Variants in AHRR observed in about 807,000 individuals in gnomAD.
AHRR encodes aryl hydrocarbon receptor repressor.
A neutral mutation model predicts 44.0 loss-of-function variants in AHRR; 28 were observed. That is an observed-to-expected ratio of 0.64 (90% confidence interval 0.47 to 0.87). The LOEUF is 0.87. AHRR is among the 40% of genes least tolerant of loss of function. The pLI, the probability that AHRR is intolerant of heterozygous loss-of-function variation, is 0.00. For missense variants in AHRR, 990 were observed against 953.9 expected (o/e 1.04, Z -0.50); for synonymous variants, 434 against 407.0 (o/e 1.07, Z -0.80).
At chr5:413,770 G>A (rs772953977) in intron 5 of AHRR, among the ~76,000 whole-genome samples, 2 of 152,212 alleles carry the variant, frequency 1.3e-5, no homozygotes, top group African/African-American at 4.8e-5. Context: ...CCCAGGCAAC[G>A]TCTTAAGCCT....
At chr5:349,795 A>G (rs1244909553) in intron 2 of AHRR, among the ~76,000 whole-genome samples, 2 of 152,162 alleles carry the variant, frequency 1.3e-5, no homozygotes, top group Non-Finnish European at 2.9e-5. Context: ...TGGATATTGC[A>G]TGAGGGTAGA....
Position 434,922 on chromosome 5 carries a change from G to A in AHRR, c.*88G>A. The A allele has an allele frequency of 2.0e-6, 3 of 1,466,562 alleles. No homozygotes were observed. The highest frequency in any genetic ancestry group is 1.8e-6 in the Non-Finnish European group (2 of 1,101,710). The allele number at this position is 1,466,562 out of a possible 1,614,324, so 90.8% of individuals were successfully genotyped here. ...CTGCCCTGCTCCTGGTCAGGCCGGA[G>A]CCCGTCCTAAGACACACGCTTTGCA... On this transcript the variant is annotated 3_prime_UTR_variant, in exon 11 of 11. Transcript: ENST00000684583.
At position 430,326 on chromosome 5, in the gene AHRR, C is replaced by A. The variant is rs73038989; in HGVS notation, c.909-2137C>A. Reference sequence around the variant, plus strand: ...TCTTTGGCGCCTTTGACGGGCAGCACATCTTCTGTATTCACACCCGTGCCC... The same window carrying A: ...TCTTTGGCGCCTTTGACGGGCAGCAAATCTTCTGTATTCACACCCGTGCCC... On this transcript the variant is annotated intron_variant, in intron 8 of 10. Coordinates refer to ENST00000684583, the MANE Select transcript of AHRR (RefSeq NM_001377236.1). 1.2e-3 allele frequency among the ~76,000 whole-genome samples: 185 copies of A among 152,366 alleles called. 1 individual carries two copies. Among genetic ancestry groups the A allele is most frequent in the African/African-American group, 4.4e-3 (182 of 41,592 alleles).
chr5:426,844 G>A (rs574041200), intron 7 of AHRR, among the ~76,000 whole-genome samples: 2 of 148,272 alleles, frequency 1.3e-5, no homozygotes, highest in East Asian at 3.9e-4. Context: ...TGGAAACATG[G>A]ATAGATGGAT....
At chr5:421,408 T>C in intron 5 of AHRR, 1 of 567,854 alleles carries the variant, frequency 1.8e-6, no homozygotes, top group South Asian at 2.0e-5. Context: ...CGGCCCGGAC[T>C]CAGAGGCACA....
intron 3 of AHRR, among the ~76,000 whole-genome samples, chr5:372,681 G>A (rs907523573): frequency 6.6e-6 from 1 of 152,078 alleles, no homozygotes; most frequent in African/African-American, 2.4e-5. Context: ...CGTCTGCACC[G>A]CCTCCCCCGC....
intron 1 of AHRR, among the ~76,000 whole-genome samples, chr5:340,506 T>C (rs943566534): frequency 6.6e-6 from 1 of 150,474 alleles, no homozygotes; most frequent in African/African-American, 2.5e-5. Flanking sequence ...CTGATGTTGC[T>C]TCTCTTTTTA....
intron 8 of AHRR, among the ~76,000 whole-genome samples, chr5:431,683 G>A (rs776634219): frequency 2.0e-4 from 30 of 152,060 alleles, no homozygotes; most frequent in Non-Finnish European, 3.8e-4. Flanking sequence ...TCCCACAGGG[G>A]TTTTGTGACA....
At chr5:348,077 G>A (rs1004084548) in intron 2 of AHRR, among the ~76,000 whole-genome samples, 2 of 152,254 alleles carry the variant, frequency 1.3e-5, no homozygotes, top group African/African-American at 4.8e-5. Context: ...AGTGCAGGGG[G>A]CAGCTGATGT....
chr5:379,132 G>C (rs909029138), intron 4 of AHRR, among the ~76,000 whole-genome samples: 2 of 152,212 alleles, frequency 1.3e-5, no homozygotes, highest in East Asian at 1.9e-4. Context: ...TCCACACGGA[G>C]TCACACGCAT....
chr5:410,152 A>T (rs1184835911), intron 4 of AHRR, among the ~76,000 whole-genome samples: 1 of 152,210 alleles, frequency 6.6e-6, no homozygotes, highest in Non-Finnish European at 1.5e-5. Flanking sequence ...TTCTTTTTTA[A>T]CAAGATTTCT....
At position 413,313 on chromosome 5, in the gene AHRR, ATT is replaced by A. The variant is rs3215229; in HGVS notation, c.352-21_352-20del. 1,729 of 1,322,688 alleles carry A rather than the reference ATT, an allele frequency of 1.3e-3. 7 individuals are homozygous for A. The highest frequency in any genetic ancestry group is 1.1e-3 in the Non-Finnish European group (1,042 of 970,966). 81.9% of individuals were successfully genotyped at this position (1,322,688 alleles called of 1,614,324 possible). ...TTTTCATTTTGGGTGAGCCAATTCG[ATT>A]TTTTTTTTTGTTTTGTTTTTTCTTC... On this transcript the variant is annotated intron_variant, in intron 4 of 10. Transcript: ENST00000684583.
At chr5:351,075 A>G (rs1407403101) in intron 2 of AHRR, among the ~76,000 whole-genome samples, 1 of 152,148 alleles carries the variant, frequency 6.6e-6, no homozygotes, top group Non-Finnish European at 1.5e-5. Flanking sequence ...ACACACCAGA[A>G]TGGCTGTAAT....
intron 3 of AHRR, among the ~76,000 whole-genome samples, chr5:375,222 C>T (rs1743737010): frequency 6.6e-6 from 1 of 152,234 alleles, no homozygotes; most frequent in Non-Finnish European, 1.5e-5. Context: ...AGTGGTTATT[C>T]TAGTTCTTAA....
Position 405,258 on chromosome 5 carries a change from G to T in AHRR, c.352-8086G>T, listed in dbSNP as rs1409251299. Among the ~76,000 whole-genome samples the T allele has an allele frequency of 6.6e-6, 1 of 152,128 alleles. No homozygotes were observed. The highest frequency in any genetic ancestry group is 2.4e-5 in the African/African-American group (1 of 41,432). ...CTCTTCCTCGGAGCTGCACGGGAATGAAAATGTACAAATACCATGGTTCAT... is the reference window on the plus strand; with the variant it reads ...CTCTTCCTCGGAGCTGCACGGGAATTAAAATGTACAAATACCATGGTTCAT... On this transcript the variant is annotated intron_variant, in intron 4 of 10. Transcript: ENST00000684583. The surrounding 1 kb of genome is among the most constrained non-coding windows in gnomAD (Gnocchi z 4.5).
chr5:430,720 A>G (rs1292681746), intron 8 of AHRR, among the ~76,000 whole-genome samples: 3 of 152,170 alleles, frequency 2.0e-5, no homozygotes, highest in African/African-American at 7.2e-5. Context: ...ATTTCTGCTT[A>G]TGAGCAGCTT....
intron 1 of AHRR, 68 bp from the exon 2 acceptor site, chr5:343,825 G>A (rs1742457327): frequency 1.3e-6 from 2 of 1,510,118 alleles, no homozygotes; most frequent in South Asian, 2.4e-5. Flanking sequence ...TGAGGGGCCC[G>A]GGGCATCGCG....
At chr5:403,193 G>A (rs963479006) in intron 4 of AHRR, among the ~76,000 whole-genome samples, 7 of 152,292 alleles carry the variant, frequency 4.6e-5, no homozygotes, top group East Asian at 1.9e-4. Context: ...CGGGTGGGAC[G>A]TACCGGGCTG....
chr5:434,277 C>T lies in AHRR; in HGVS notation c.1537C>T (p.Gln513Ter). Residue 513 changes from glutamine to a stop codon, truncating the protein, a stop_gained, in exon 11 of 11, where the codon CAA (glutamine) becomes TAA (stop). Coordinates refer to ENST00000684583, the MANE Select transcript of AHRR (RefSeq NM_001377236.1). LOFTEE classifies it low-confidence loss of function (END_TRUNC). ...CTATCCCATGGAGGACATGAAGCTG[C>T]AAGGTGTACCGATGCCTCCGGGGGA... ...RGYPMEDMKL[Q>*]GVPMPPGDLC... The T allele has an allele frequency of 6.2e-7, 1 of 1,605,716 alleles. No homozygotes were observed. Among genetic ancestry groups the T allele is most frequent in the East Asian group, 2.2e-5 (1 of 44,790 alleles).
Sources: gnomAD v4.1 joint callset for allele counts (sites outside exome capture counted in the v4.1 genomes callset) on GRCh38, gnomAD v4.1.1 for gene constraint, Gnocchi (gnomAD v3.1) non-coding constraint, MANE v1.5 for transcripts, NCBI Gene and HGNC (gene_info 2026-07-23, HGNC 2026-07-21) for gene names.